The following GRID2 variants were observed in gnomAD, a reference collection of about 807,000 sequenced individuals.
GRID2 encodes glutamate receptor ionotropic, delta-2.
Under a neutral mutation model 114.8 loss-of-function variants are expected in GRID2, and 33 were observed. That is an observed-to-expected ratio of 0.29 (90% confidence interval 0.22 to 0.38). The LOEUF (loss-of-function observed/expected upper bound fraction) is 0.38, where lower values mean the gene tolerates loss of function less well. GRID2 is among the 10% of genes least tolerant of loss of function. GRID2 has a pLI of 1.00. For missense variants in GRID2, 1,184 were observed against 1,257.7 expected (o/e 0.94, Z 0.89); for synonymous variants, 505 against 449.9 (o/e 1.12, Z -1.55).
At chr4:92,912,048 A>G (rs2149491832) in intron 2 of GRID2, among the ~76,000 whole-genome samples, 1 of 152,000 alleles carries the variant, frequency 6.6e-6, no homozygotes, top group Admixed American at 6.6e-5. Flanking sequence ...TAAATAATAG[A>G]AGATAATATT....
intron 2 of GRID2, among the ~76,000 whole-genome samples, chr4:92,758,522 G>A (rs1737838065): frequency 6.6e-6 from 1 of 152,072 alleles, no homozygotes; most frequent in African/African-American, 2.4e-5. Flanking sequence ...TTCCTTAATT[G>A]TATAAGCCTC....
intron 2 of GRID2, among the ~76,000 whole-genome samples, chr4:92,609,136 A>T (rs72661983): frequency 1.3e-5 from 2 of 151,778 alleles, no homozygotes; most frequent in Non-Finnish European, 2.9e-5. Context: ...TTCTTCACAC[A>T]CAGCTTGAAA....
chr4:93,355,313 C>T (rs948029138), intron 8 of GRID2, among the ~76,000 whole-genome samples: 3 of 150,772 alleles, frequency 2.0e-5, no homozygotes, highest in Non-Finnish European at 4.4e-5. Flanking sequence ...TTGCTGTCAT[C>T]TGACACCTTG....
chr4:93,659,539 A>G (rs1264599424), intron 14 of GRID2, among the ~76,000 whole-genome samples: 1 of 152,246 alleles, frequency 6.6e-6, no homozygotes, highest in African/African-American at 2.4e-5. Flanking sequence ...TTAATTTGAT[A>G]GATGTCAGGT....
chr4:92,803,994 G>T (rs1474242233), intron 2 of GRID2, among the ~76,000 whole-genome samples: 1 of 151,766 alleles, frequency 6.6e-6, no homozygotes. Flanking sequence ...CATCACTTCA[G>T]TCTGGGCTTC....
chr4:93,422,722 T>C (rs1768412001), intron 9 of GRID2, 49 bp from the exon 10 acceptor site: 2 of 1,124,752 alleles, frequency 1.8e-6, no homozygotes, highest in Non-Finnish European at 2.7e-6. Context: ...TCTTTGCTTT[T>C]AGGGAGCACT....
chr4:93,725,135 C>T (rs1729736788), intron 14 of GRID2, among the ~76,000 whole-genome samples: 1 of 152,060 alleles, frequency 6.6e-6, no homozygotes, highest in African/African-American at 2.4e-5. Context: ...ACTCACCCCT[C>T]CCCCCACCAA....
chr4:93,452,683 A>G (rs1722796971), intron 10 of GRID2, among the ~76,000 whole-genome samples: 1 of 152,138 alleles, frequency 6.6e-6, no homozygotes, highest in African/African-American at 2.4e-5. Context: ...ATGATTTTTA[A>G]TCTCCCATCT....
intron 14 of GRID2, among the ~76,000 whole-genome samples, chr4:93,709,211 G>T (rs1284264440): frequency 6.6e-6 from 1 of 152,042 alleles, no homozygotes; most frequent in Non-Finnish European, 1.5e-5. Context: ...ATTTATTATT[G>T]CTTGTTTACT....
chr4:93,765,481 G>A (rs1223734489), intron 14 of GRID2, among the ~76,000 whole-genome samples: 4 of 151,938 alleles, frequency 2.6e-5, no homozygotes, highest in African/African-American at 4.8e-5. Flanking sequence ...CCTAGAGAGG[G>A]TGCTTCCTTC....
Position 93,769,273 on chromosome 4 carries a change from T to C in GRID2, c.2424T>C (p.Asn808=). 6.2e-7 allele frequency: 1 copy of C among 1,613,580 alleles called. No individual in the cohort carries two copies. Residue 808 remains asparagine, a synonymous_variant, in exon 15 of 16, where the codon AAT becomes AAC. Coordinates refer to ENST00000282020, the MANE Select transcript of GRID2 (RefSeq NM_001510.4). Reference sequence around the variant, plus strand: ...TGAAGCACAAATGGTGGCCTAAGAATGGCCAGTGTGACCTGTACTCGTCAG... The same window carrying C: ...TGAAGCACAAATGGTGGCCTAAGAACGGCCAGTGTGACCTGTACTCGTCAG... ...DILKHKWWPK[N]GQCDLYSSVD...
chr4:93,059,847 A>T (rs1727611114), intron 2 of GRID2, among the ~76,000 whole-genome samples: 1 of 152,008 alleles, frequency 6.6e-6, no homozygotes, highest in African/African-American at 2.4e-5. Flanking sequence ...ATGTTTTTAA[A>T]CTATCACCTT....
chr4:93,507,765 C>T (rs536208331), intron 12 of GRID2, among the ~76,000 whole-genome samples: 38 of 152,152 alleles, frequency 2.5e-4, no homozygotes, highest in Admixed American at 4.6e-4. Context: ...CAGACTATAC[C>T]CTCAGCTTTT....
At chr4:93,094,939 G>A (rs1026487947) in intron 3 of GRID2, among the ~76,000 whole-genome samples, 1 of 151,380 alleles carries the variant, frequency 6.6e-6, no homozygotes, top group Non-Finnish European at 1.5e-5. Context: ...AAAAAGAAAA[G>A]CTTAAATAGC....
At chr4:92,850,564 T>A (rs1743699029) in intron 2 of GRID2, among the ~76,000 whole-genome samples, 1 of 151,910 alleles carries the variant, frequency 6.6e-6, no homozygotes, top group South Asian at 2.1e-4. Context: ...AAACCCAGAT[T>A]GTGTACTATG....
At chr4:93,127,518 C>A (rs1314946877) in intron 4 of GRID2, among the ~76,000 whole-genome samples, 1 of 152,182 alleles carries the variant, frequency 6.6e-6, no homozygotes, top group South Asian at 2.1e-4. Context: ...TTGTGTTTTC[C>A]TTACGTGCCA....
intron 9 of GRID2, among the ~76,000 whole-genome samples, chr4:93,397,939 G>C (rs1198983166): frequency 6.6e-6 from 1 of 151,238 alleles, no homozygotes; most frequent in Non-Finnish European, 1.5e-5. Flanking sequence ...TGAATCTATG[G>C]AGTTGAGTCT....
Position 92,710,430 on chromosome 4 carries a change from C to T in GRID2, c.244+120144C>T, listed in dbSNP as rs530599625. Reference sequence around the variant, plus strand: ...CAGCTTGAGTTATAAGCAGTGGCTCCATCAGGTATATTTTCCAATGTGCTA... The same window carrying T: ...CAGCTTGAGTTATAAGCAGTGGCTCTATCAGGTATATTTTCCAATGTGCTA... On this transcript the variant is annotated intron_variant, in intron 2 of 15. Transcript: ENST00000282020. 1.2e-4 allele frequency among the ~76,000 whole-genome samples: 18 copies of T among 152,222 alleles called. No homozygotes were observed. In the South Asian group the frequency reaches 3.1e-3, roughly 26 times the overall value.
chr4:92,316,593 C>T (rs776813845), intron 1 of GRID2, among the ~76,000 whole-genome samples: 7 of 152,184 alleles, frequency 4.6e-5, no homozygotes, highest in African/African-American at 1.4e-4. Context: ...AAACAAGACA[C>T]GTTTCATATC....
Sources: gnomAD v4.1 joint callset for allele counts (sites outside exome capture counted in the v4.1 genomes callset) on GRCh38, gnomAD v4.1.1 for gene constraint, MANE v1.5 for transcripts, NCBI Gene and HGNC (gene_info 2026-07-23, HGNC 2026-07-21) for gene names.